THSD4: variants seen among roughly 807,000 people sequenced by gnomAD.
THSD4 encodes thrombospondin type 1 domain containing 4, also known as thrombospondin type-1 domain-containing protein 4.
In THSD4, 69 loss-of-function variants were observed where a neutral mutation model predicts 119.0. The ratio of observed to expected loss-of-function variants is 0.58; its 90% CI spans 0.48 to 0.71. The LOEUF is 0.71. Among genes scored for constraint, THSD4 ranks in the 30% least tolerant of loss-of-function variants. The pLI is 0.00. For synonymous variants in THSD4, 524 were observed against 540.4 expected (o/e 0.97, Z 0.42); for missense variants, 1,393 against 1,391.1 (o/e 1.00, Z -0.02).
intron 15 of THSD4, among the ~76,000 whole-genome samples, chr15:71,763,613 T>C (rs151208047): frequency 0.011 from 1,741 of 151,518 alleles, 13 homozygotes; most frequent in Non-Finnish European, 0.018. Context: ...AGTGGCACGA[T>C]CTTGGCTCAC....
At chr15:71,450,172 G>A (rs1029817670) in intron 7 of THSD4, among the ~76,000 whole-genome samples, 6 of 152,246 alleles carry the variant, frequency 3.9e-5, no homozygotes, top group South Asian at 2.1e-4. Context: ...TCACTAACCC[G>A]CTGCGCCTTG....
At chr15:71,682,339 C>T (rs1375357707) in intron 8 of THSD4, among the ~76,000 whole-genome samples, 2 of 152,154 alleles carry the variant, frequency 1.3e-5, no homozygotes, top group African/African-American at 4.8e-5. Flanking sequence ...ACTATAAGTA[C>T]AGCTTGATGA....
intron 3 of THSD4, among the ~76,000 whole-genome samples, chr15:71,191,796 C>T (rs773466645): frequency 3.3e-5 from 5 of 152,054 alleles, no homozygotes; most frequent in Non-Finnish European, 7.4e-5. Flanking sequence ...CCCAGGTCTC[C>T]GGGTCTCTTC....
rs1424712943 is a variant in THSD4 at position 71,553,462 on chromosome 15, A to AGGC, written c.1153-107068_1153-107067insGGC. 5.9e-5 allele frequency among the ~76,000 whole-genome samples: 9 copies of AGGC among 151,972 alleles called. No homozygotes were observed. The East Asian group carries it at 7.7e-4, about 13-fold the overall frequency. On this transcript the variant is annotated intron_variant, in intron 7 of 17. Transcript: ENST00000261862. ...TGCCTCAGCCTCCTGAGTAGCTGGA[A>AGGC]TTACAGGTTTTGTGCCACCACACCC...
chr15:71,595,110 T>C (rs780609313), intron 7 of THSD4, among the ~76,000 whole-genome samples: 2 of 152,248 alleles, frequency 1.3e-5, no homozygotes, highest in East Asian at 3.8e-4. Context: ...ACTAAATGTA[T>C]GAGCTTCTCT....
At chr15:71,547,091 G>A (rs906985768) in intron 7 of THSD4, 8 of 596,736 alleles carry the variant, frequency 1.3e-5, no homozygotes, top group South Asian at 6.1e-5. Flanking sequence ...AATGAGACCA[G>A]ATGCAGAACT....
chr15:71,675,639 C>A (rs1014400048), intron 8 of THSD4, among the ~76,000 whole-genome samples: 1 of 152,178 alleles, frequency 6.6e-6, no homozygotes, highest in Non-Finnish European at 1.5e-5. Context: ...TCACTAGATG[C>A]TTGGAATCCT....
intron 7 of THSD4, among the ~76,000 whole-genome samples, chr15:71,595,464 T>G (rs1327387447): frequency 6.6e-6 from 1 of 152,176 alleles, no homozygotes; most frequent in Non-Finnish European, 1.5e-5. Flanking sequence ...GCCACCACCA[T>G]GTAAGAAGTG....
intron 4 of THSD4, among the ~76,000 whole-genome samples, chr15:71,232,601 T>C (rs2044070481): frequency 6.6e-6 from 1 of 151,102 alleles, no homozygotes; most frequent in Admixed American, 6.6e-5. Context: ...CAGGAGGGAG[T>C]CTTGCCGCAC....
At chr15:71,388,057 A>G (rs1566965226) in intron 6 of THSD4, among the ~76,000 whole-genome samples, 3 of 152,234 alleles carry the variant, frequency 2.0e-5, no homozygotes, top group Admixed American at 2.0e-4. Flanking sequence ...ACATAAACAG[A>G]AGACAAATCA....
Position 71,411,949 on chromosome 15 carries a change from C to T in THSD4, c.1152+126C>T, listed in dbSNP as rs561505943. On this transcript the variant is annotated intron_variant, in intron 7 of 17. Transcript: ENST00000261862. ...CCCACGTCAGGGCCACTCAACCATGCGCTCTGGGAGGAGTGGGCTGAGATG... is the reference window on the plus strand; with the variant it reads ...CCCACGTCAGGGCCACTCAACCATGTGCTCTGGGAGGAGTGGGCTGAGATG... The T allele has an allele frequency of 2.4e-3, 3,120 of 1,283,384 alleles. 12 individuals are homozygous for T. The highest frequency in any genetic ancestry group is 3.0e-3 in the Non-Finnish European group (2,801 of 935,874). 79.5% of individuals were successfully genotyped at this position (1,283,384 alleles called of 1,614,324 possible). A position where few individuals can be genotyped will look rare whatever the true frequency, so the allele number is the denominator to read the frequency against.
At chr15:71,670,860 T>G (rs1370422663) in intron 8 of THSD4, among the ~76,000 whole-genome samples, 1 of 152,186 alleles carries the variant, frequency 6.6e-6, no homozygotes, top group Non-Finnish European at 1.5e-5. Flanking sequence ...TATTCCATGG[T>G]GTATATGTGC....
intron 7 of THSD4, among the ~76,000 whole-genome samples, chr15:71,481,333 TCAGAGTC>T (rs2047727067): frequency 6.6e-6 from 1 of 152,234 alleles, no homozygotes; most frequent in Non-Finnish European, 1.5e-5. Flanking sequence ...GCTTATAAAA[TCAGAGTC>T]ATTCCTTCAT....
intron 7 of THSD4, among the ~76,000 whole-genome samples, chr15:71,588,039 G>A (rs1372278127): frequency 6.6e-6 from 1 of 152,010 alleles, no homozygotes; most frequent in African/African-American, 2.4e-5. Context: ...GGGCGCGGTG[G>A]CTCACGCCTG....
intron 6 of THSD4, among the ~76,000 whole-genome samples, chr15:71,367,142 A>G (rs1010525395): frequency 2.6e-5 from 4 of 152,200 alleles, no homozygotes; most frequent in African/African-American, 9.7e-5. Context: ...CCATTGTGTT[A>G]TAACACCCAG....
At chr15:71,377,241 G>C (rs2046150753) in intron 6 of THSD4, among the ~76,000 whole-genome samples, 1 of 152,206 alleles carries the variant, frequency 6.6e-6, no homozygotes, top group Non-Finnish European at 1.5e-5. Context: ...GATGTGAGAG[G>C]AAGTTGAGGA....
At chr15:71,371,566 A>G (rs986903158) in intron 6 of THSD4, among the ~76,000 whole-genome samples, 12 of 152,288 alleles carry the variant, frequency 7.9e-5, no homozygotes, top group East Asian at 5.8e-4. Context: ...ATGAAATTCT[A>G]GGTTGAAAAT....
At chr15:71,386,528 C>T (rs983260403) in intron 6 of THSD4, among the ~76,000 whole-genome samples, 2 of 152,136 alleles carry the variant, frequency 1.3e-5, no homozygotes, top group Non-Finnish European at 2.9e-5. Context: ...CAATAAAATA[C>T]TGACACATGT....
intron 1 of THSD4, among the ~76,000 whole-genome samples, chr15:71,118,629 T>C (rs550054620): frequency 6.6e-6 from 1 of 152,330 alleles, no homozygotes; most frequent in South Asian, 2.1e-4. Context: ...TCATCTCACT[T>C]TTCTCTTCTC....
Sources: allele counts gnomAD v4.1 joint callset (sites outside exome capture counted in the v4.1 genomes callset), GRCh38; gene constraint gnomAD v4.1.1; transcripts MANE v1.5; gene names NCBI Gene and HGNC (gene_info 2026-07-23, HGNC 2026-07-21).